The following GARRE1 variants were observed in gnomAD, a reference collection of about 807,000 sequenced individuals.
GARRE1 encodes granule associated Rac and RHOG effector protein 1.
A neutral mutation model predicts 103.2 loss-of-function variants in GARRE1; 49 were observed. The ratio of observed to expected loss-of-function variants is 0.47; its 90% CI spans 0.38 to 0.60. The LOEUF is 0.60. Among genes scored for constraint, GARRE1 ranks in the 20% least tolerant of loss-of-function variants. The pLI is 0.00. For missense variants in GARRE1, 1,199 were observed against 1,370.5 expected (o/e 0.87, Z 1.98); for synonymous variants, 505 against 532.8 (o/e 0.95, Z 0.72).
chr19:34,342,520 G>A (rs1216807641), intron 10 of GARRE1, 65 bp downstream of exon 10: 1 of 1,402,954 alleles, frequency 7.1e-7, no homozygotes, highest in African/African-American at 1.4e-5. Flanking sequence ...GGTCTTCCCA[G>A]GGCCTGTCTG....
intron 1 of GARRE1, among the ~76,000 whole-genome samples, chr19:34,262,228 C>T (rs1027817183): frequency 1.3e-5 from 2 of 150,650 alleles, no homozygotes; most frequent in Middle Eastern, 3.4e-3. Context: ...TGTGATCCGC[C>T]CACCTTGGTC....
chr19:34,286,780 C>T (rs897203474), intron 1 of GARRE1, among the ~76,000 whole-genome samples: 10 of 151,784 alleles, frequency 6.6e-5, no homozygotes, highest in Middle Eastern at 3.4e-3. Flanking sequence ...GGATTACAGG[C>T]GTGAGCCACC....
chr19:34,339,743 C>G lies in GARRE1; in HGVS notation c.1362-124C>G, dbSNP rs537644397. On this transcript the variant is annotated intron_variant, in intron 8 of 13. Coordinates refer to ENST00000299505, the MANE Select transcript of GARRE1 (RefSeq NM_014686.5). ...CCCTGTTGTTCTCTCCATGTTCTTA[C>G]AGTTACTGAATTTTTGCTGGGCGCC... 22 of 1,100,476 alleles carry G rather than the reference C, an allele frequency of 2.0e-5. No homozygotes were observed. The South Asian group carries it at 3.0e-4, about 15-fold the overall frequency. The allele number at this position is 1,100,476 out of a possible 1,614,324, so 68.2% of individuals were successfully genotyped here.
chr19:34,347,291 C>A (rs1278059992), intron 10 of GARRE1, among the ~76,000 whole-genome samples: 2 of 151,960 alleles, frequency 1.3e-5, no homozygotes, highest in African/African-American at 4.8e-5. Context: ...AGGGTTTCAC[C>A]ATCTTGGTCA....
intron 2 of GARRE1, among the ~76,000 whole-genome samples, chr19:34,306,904 G>A (rs906339726): frequency 1.3e-5 from 2 of 152,058 alleles, no homozygotes; most frequent in African/African-American, 2.4e-5. Context: ...AGCTAGAAGG[G>A]AGTTTCGATC....
chr19:34,327,048 G>A (rs1196733692), intron 3 of GARRE1, among the ~76,000 whole-genome samples: 1 of 151,872 alleles, frequency 6.6e-6, no homozygotes, highest in Admixed American at 6.6e-5. Context: ...CCAGCTACTC[G>A]GGAGGCTGAG....
Position 34,342,182 on chromosome 19 carries a change from C to T in GARRE1, c.2248C>T (p.Pro750Ser). Residue 750 changes from proline to serine, a missense_variant, in exon 10 of 14, where the codon CCT (proline) becomes TCT (serine). Pro to Ser is a moderately conservative substitution (Grantham distance 74). Transcript: ENST00000299505. ...TGGACCGCAGCAGCCCCCGCCCCAG[C>T]CTCGGGCACCTGGGAAATGGGTACA... ...PIGPQQPPPQ[P>S]RAPGKWVHGS... 1.2e-6 allele frequency: 2 copies of T among 1,614,214 alleles called. No homozygotes were observed. The highest frequency in any genetic ancestry group is 2.2e-5 in the East Asian group (1 of 44,878).
At chr19:34,296,365 C>T in intron 1 of GARRE1, 1 of 1,312,354 alleles carries the variant, frequency 7.6e-7, no homozygotes, top group Admixed American at 1.7e-5. Context: ...CTGATTTGAT[C>T]CTTGGCCTTG....
chr19:34,351,408 TA>T lies in GARRE1; in HGVS notation c.2826-105del. On this transcript the variant is annotated intron_variant, in intron 12 of 13. Coordinates refer to ENST00000299505, the MANE Select transcript of GARRE1 (RefSeq NM_014686.5). Reference sequence around the variant, plus strand: ...GACCCAGGCAGGCCTCCTCCCCTCCTAGAACCAGGGCCTGGAGATGCTGGAG... The same window carrying T: ...GACCCAGGCAGGCCTCCTCCCCTCCTGAACCAGGGCCTGGAGATGCTGGAG... 3 of 894,140 alleles carry T rather than the reference TA, an allele frequency of 3.4e-6. No homozygotes were observed. The South Asian group carries it at 4.1e-5, about 12-fold the overall frequency. The allele number at this position is 894,140 out of a possible 1,614,324, so 55.4% of individuals were successfully genotyped here.
intron 1 of GARRE1, among the ~76,000 whole-genome samples, chr19:34,279,984 C>CAAAAA (rs34044474): frequency 1.8e-4 from 12 of 67,898 alleles, no homozygotes; most frequent in East Asian, 9.0e-4. Context: ...GACTCCGTCT[C>CAAAAA]AAAAAAAAAA....
At position 34,305,262 on chromosome 19, in the gene GARRE1, A is replaced by C. The variant is rs564055699; in HGVS notation, c.495+4294A>C. On this transcript the variant is annotated intron_variant, in intron 2 of 13. Transcript: ENST00000299505. Reference sequence around the variant, plus strand: ...TGCCATTCCAGACTACCGTCTGTACATGCATGGATATGTACAGATGTGTGC... The same window carrying C: ...TGCCATTCCAGACTACCGTCTGTACCTGCATGGATATGTACAGATGTGTGC... 3.3e-5 allele frequency among the ~76,000 whole-genome samples: 5 copies of C among 152,282 alleles called. No individual in the cohort carries two copies. In the East Asian group the frequency reaches 9.6e-4, roughly 29 times the overall value.
At chr19:34,317,369 TCCATCAGAGCTGTGA>T in intron 2 of GARRE1, among the ~76,000 whole-genome samples, 1 of 152,230 alleles carries the variant, frequency 6.6e-6, no homozygotes, top group Admixed American at 6.5e-5. Context: ...CTAAGTTGTG[TCCATCAGAGCTGTGA>T]GAGTGTGAAC....
chr19:34,316,454 C>T (rs942574259), intron 2 of GARRE1, among the ~76,000 whole-genome samples: 4 of 152,144 alleles, frequency 2.6e-5, no homozygotes, highest in Admixed American at 6.5e-5. Context: ...GTCAGGAAGA[C>T]GCCCAAAGAC....
intron 2 of GARRE1, among the ~76,000 whole-genome samples, chr19:34,319,549 A>C (rs2074075688): frequency 6.6e-6 from 1 of 152,158 alleles, no homozygotes; most frequent in South Asian, 2.1e-4. Flanking sequence ...GTATGGACGT[A>C]ATTGCTGTTG....
intron 2 of GARRE1, among the ~76,000 whole-genome samples, chr19:34,314,282 G>A (rs1568540238): frequency 6.6e-6 from 1 of 152,012 alleles, no homozygotes. Context: ...CTTCCTGTGT[G>A]TATTGATATG....
chr19:34,334,512 A>T (rs1234710369), intron 8 of GARRE1, among the ~76,000 whole-genome samples: 1 of 151,990 alleles, frequency 6.6e-6, no homozygotes, highest in Non-Finnish European at 1.5e-5. Flanking sequence ...CAGCCTGCCC[A>T]ATGTGGTGAA....
intron 6 of GARRE1, 56 bp from the exon 7 acceptor site, chr19:34,330,133 T>A: frequency 6.7e-7 from 1 of 1,496,482 alleles, no homozygotes; most frequent in Non-Finnish European, 9.2e-7. Context: ...TTACAAATTT[T>A]AGAACCTTGC....
chr19:34,349,229 G>A (rs775985752), intron 12 of GARRE1, 76 bp downstream of exon 12: 6 of 1,475,314 alleles, frequency 4.1e-6, no homozygotes, highest in Non-Finnish European at 5.6e-6. Flanking sequence ...CCCTGGGAAA[G>A]CCAGGAGCCC....
chr19:34,339,851 C>G lies in GARRE1; in HGVS notation c.1362-16C>G, dbSNP rs1448232054. Reference sequence around the variant, plus strand: ...AGAAATGCAGCCAAGACTAATGCAGCCTAATCTATGCCTAGGTGCCTGAAA... The same window carrying G: ...AGAAATGCAGCCAAGACTAATGCAGGCTAATCTATGCCTAGGTGCCTGAAA... On this transcript the variant is annotated splice_polypyrimidine_tract_variant and intron_variant, in intron 8 of 13. Transcript: ENST00000299505. The G allele has an allele frequency of 2.5e-6, 4 of 1,613,888 alleles. No individual in the cohort carries two copies. The South Asian group carries it at 3.3e-5, about 13-fold the overall frequency.
Sources: gnomAD v4.1 joint callset for allele counts (sites outside exome capture counted in the v4.1 genomes callset) on GRCh38, gnomAD v4.1.1 for gene constraint, MANE v1.5 for transcripts, NCBI Gene and HGNC (gene_info 2026-07-23, HGNC 2026-07-21) for gene names.